ZRANB3: variants seen among roughly 807,000 people sequenced by gnomAD.
ZRANB3 encodes the protein DNA annealing helicase and endonuclease ZRANB3.
A neutral mutation model predicts 133.8 loss-of-function variants in ZRANB3; 125 were observed. The observed-to-expected ratio is 0.93, with a 90% CI of 0.81 to 1.08. The LOEUF (loss-of-function observed/expected upper bound fraction) is 1.08. Ranked by LOEUF, ZRANB3 falls within the 50% of genes least tolerant of loss-of-function variation. The probability of loss-of-function intolerance (pLI) is 0.00; values close to 1 mark genes in which losing one functional copy is unlikely to be tolerated. For missense variants in ZRANB3, 1,229 were observed against 1,275.5 expected (o/e 0.96, Z 0.56); for synonymous variants, 387 against 432.7 (o/e 0.89, Z 1.31).
chr2:135,474,019 T>C (rs1405692286), intron 2 of ZRANB3, among the ~76,000 whole-genome samples: 3 of 152,080 alleles, frequency 2.0e-5, no homozygotes, highest in South Asian at 4.1e-4. Context: ...ACCCTGTCTC[T>C]ACCAAAAACA....
chr2:135,371,807 AGGAGGT>A (rs1686193301), intron 3 of ZRANB3, among the ~76,000 whole-genome samples: 1 of 152,258 alleles, frequency 6.6e-6, no homozygotes, highest in East Asian at 1.9e-4. Context: ...TGAATGTATC[AGGAGGT>A]GGAGGTGGAG....
intron 1 of ZRANB3, among the ~76,000 whole-genome samples, chr2:135,526,466 AT>A (rs1258758249): frequency 6.6e-6 from 1 of 152,056 alleles, no homozygotes; most frequent in Non-Finnish European, 1.5e-5. Flanking sequence ...GCCCAACCTG[AT>A]TTTTTTATTT....
chr2:135,213,727 G>A (rs1694194695), intron 17 of ZRANB3, among the ~76,000 whole-genome samples: 1 of 152,100 alleles, frequency 6.6e-6, no homozygotes, highest in African/African-American at 2.4e-5. Context: ...AGAATTTTAA[G>A]ATACCCTCTA....
At chr2:135,370,748 C>T (rs1199333645) in intron 3 of ZRANB3, among the ~76,000 whole-genome samples, 2 of 152,100 alleles carry the variant, frequency 1.3e-5, no homozygotes, top group African/African-American at 4.8e-5. Flanking sequence ...TGGGAAGAGG[C>T]CCATTGATGT....
At chr2:135,285,090 C>A (rs1681289307) in intron 8 of ZRANB3, among the ~76,000 whole-genome samples, 2 of 152,098 alleles carry the variant, frequency 1.3e-5, no homozygotes, top group South Asian at 4.1e-4. Context: ...GGTGATCCAC[C>A]CGCCTTGGCC....
intron 2 of ZRANB3, among the ~76,000 whole-genome samples, chr2:135,481,152 A>C (rs1322561950): frequency 6.6e-6 from 1 of 151,428 alleles, no homozygotes; most frequent in Non-Finnish European, 1.5e-5. Flanking sequence ...GCTGGGTCAA[A>C]TGGTATTTCC....
intron 3 of ZRANB3, among the ~76,000 whole-genome samples, chr2:135,387,241 A>G (rs1363897891): frequency 6.6e-6 from 1 of 152,176 alleles, no homozygotes; most frequent in African/African-American, 2.4e-5. Context: ...TCATCACATG[A>G]AAATCTATTT....
At chr2:135,366,846 G>A (rs916101406) in intron 3 of ZRANB3, among the ~76,000 whole-genome samples, 4 of 151,724 alleles carry the variant, frequency 2.6e-5, no homozygotes, top group African/African-American at 7.3e-5. Flanking sequence ...GTGAAACCTC[G>A]TCTCTACTAA....
intron 2 of ZRANB3, among the ~76,000 whole-genome samples, chr2:135,409,533 A>G (rs1366890469): frequency 6.6e-6 from 1 of 152,182 alleles, no homozygotes; most frequent in Non-Finnish European, 1.5e-5. Context: ...CCAACATCAT[A>G]CTGAATGGGG....
At chr2:135,332,837 C>T (rs1684210522) in intron 6 of ZRANB3, among the ~76,000 whole-genome samples, 1 of 152,166 alleles carries the variant, frequency 6.6e-6, no homozygotes. Context: ...TTTCTGTCTT[C>T]ACATCTTTCC....
chr2:135,265,413 T>C, intron 12 of ZRANB3, 121 bp downstream of exon 12: 1 of 1,137,492 alleles, frequency 8.8e-7, no homozygotes, highest in Non-Finnish European at 1.2e-6. Context: ...GTTTCCAGCT[T>C]TATGTGAAGT....
At chr2:135,437,613 T>G (rs571459234) in intron 2 of ZRANB3, among the ~76,000 whole-genome samples, 5 of 152,312 alleles carry the variant, frequency 3.3e-5, no homozygotes, top group Admixed American at 2.0e-4. Context: ...ATGATATACT[T>G]TAGTAAAAAG....
intron 15 of ZRANB3, among the ~76,000 whole-genome samples, chr2:135,221,688 TC>T (rs889647085): frequency 6.6e-6 from 1 of 152,152 alleles, no homozygotes; most frequent in African/African-American, 2.4e-5. Flanking sequence ...GGCCTAAAGA[TC>T]CCCCAACATG....
rs975495051 is a variant in ZRANB3, at chr2:135,271,361, G to T, written c.1206+407C>A. ...CTCCATAAAAAGTCCTGAGACAAGAGTTCTTTTCCCCCAGGCCACCTTGTC... is the reference window on the plus strand; with the variant it reads ...CTCCATAAAAAGTCCTGAGACAAGATTTCTTTTCCCCCAGGCCACCTTGTC... On this transcript the variant is annotated intron_variant, in intron 10 of 20. Transcript: ENST00000264159. 6.4e-6 allele frequency: 3 copies of T among 472,182 alleles called. No individual in the cohort carries two copies. The Admixed American group carries it at 7.0e-5, about 11-fold the overall frequency. The allele number at this position is 472,182 out of a possible 1,614,324, so 29.2% of individuals were successfully genotyped here.
At chr2:135,379,642 C>T (rs916005337) in intron 3 of ZRANB3, among the ~76,000 whole-genome samples, 2 of 152,130 alleles carry the variant, frequency 1.3e-5, no homozygotes, top group African/African-American at 4.8e-5. Context: ...GCCTGCCTTA[C>T]AACACCTACT....
intron 2 of ZRANB3, among the ~76,000 whole-genome samples, chr2:135,430,275 GT>G (rs1253806878): frequency 6.6e-6 from 1 of 152,086 alleles, no homozygotes; most frequent in Non-Finnish European, 1.5e-5. Context: ...GAGAGCCATA[GT>G]TTTTCTTAAT....
intron 2 of ZRANB3, among the ~76,000 whole-genome samples, chr2:135,400,897 T>C (rs1687704272): frequency 6.6e-6 from 1 of 152,218 alleles, no homozygotes; most frequent in Admixed American, 6.5e-5. Context: ...ATTTACAAAC[T>C]TGTAAGGAAC....
In ZRANB3 at chr2:135,476,546, T is replaced by C. The variant is rs186650469; in HGVS notation, c.161+27783A>G. Among the ~76,000 whole-genome samples, 7 of 152,232 alleles carry C rather than the reference T, an allele frequency of 4.6e-5. No homozygotes were observed. The East Asian group carries it at 1.4e-3, about 29-fold the overall frequency. On this transcript the variant is annotated intron_variant, in intron 2 of 20. Transcript: ENST00000264159. ...TATATACACTTGAAAATTCCTATAATAAAAATGTTTAGATAAAACAAAAGG... is the reference window on the plus strand; with the variant it reads ...TATATACACTTGAAAATTCCTATAACAAAAATGTTTAGATAAAACAAAAGG...
chr2:135,213,387 C>T (rs531326045), intron 17 of ZRANB3, among the ~76,000 whole-genome samples: 1 of 152,268 alleles, frequency 6.6e-6, no homozygotes, highest in African/African-American at 2.4e-5. Context: ...TGCTGTTGTT[C>T]AACAGCATAT....
Sources: gnomAD v4.1 joint callset for allele counts (sites outside exome capture counted in the v4.1 genomes callset) on GRCh38, gnomAD v4.1.1 for gene constraint, MANE v1.5 for transcripts, NCBI Gene and HGNC (gene_info 2026-07-23, HGNC 2026-07-21) for gene names.